Variants in NEK7 observed in about 807,000 individuals in gnomAD.
NEK7 encodes NIMA related kinase 7.
A neutral mutation model predicts 44.6 loss-of-function variants in NEK7; 18 were observed. That is an observed-to-expected ratio of 0.40 (90% CI 0.28 to 0.60). NEK7 has a LOEUF of 0.60. Ranked by LOEUF, NEK7 falls within the 20% of genes least tolerant of loss-of-function variation. The pLI, the probability that NEK7 is intolerant of heterozygous loss-of-function variation, is 0.38. For synonymous variants in NEK7, 130 were observed against 121.1 expected, an observed-to-expected ratio of 1.07 and a Z score of -0.48; for missense variants, 256 against 366.5, an observed-to-expected ratio of 0.70 and a Z score of 2.46.
At chr1:198,264,331 A>G (rs1653579002) in intron 5 of NEK7, 96 bp downstream of exon 5, 5 of 826,926 alleles carry the variant, frequency 6.0e-6, no homozygotes, top group Non-Finnish European at 9.7e-6. Context: ...ATTTTAAACT[A>G]AAGACCTCAA....
At position 198,157,737 on chromosome 1, in the gene NEK7, G is replaced by A. The variant is rs529910527; in HGVS notation, c.-29+461G>A. On this transcript the variant is annotated intron_variant, in intron 1 of 9. Transcript: ENST00000367385. ...GACTTAGGAAAGTGAAGTGCGCTGGGAGAGAGTGGGTGGTGGGAGCCGGCA... is the reference window on the plus strand; with the variant it reads ...GACTTAGGAAAGTGAAGTGCGCTGGAAGAGAGTGGGTGGTGGGAGCCGGCA... Among the ~76,000 whole-genome samples the A allele has an allele frequency of 1.8e-4, 28 of 152,368 alleles. No homozygotes were observed. In the East Asian group the frequency reaches 3.5e-3, roughly 19 times the overall value.
intron 3 of NEK7, among the ~76,000 whole-genome samples, chr1:198,261,651 C>T (rs868210673): frequency 1.1e-4 from 17 of 151,576 alleles, no homozygotes; most frequent in Admixed American, 9.9e-4. Flanking sequence ...GCTTGCAGTA[C>T]TGACTTAGAT....
At chr1:198,249,842 G>A (rs1210113431) in intron 2 of NEK7, among the ~76,000 whole-genome samples, 1 of 102,274 alleles carries the variant, frequency 9.8e-6, no homozygotes, top group Non-Finnish European at 1.7e-5. Context: ...TAGGTTGCCT[G>A]TTCACTGATG....
intron 2 of NEK7, among the ~76,000 whole-genome samples, chr1:198,250,780 G>A (rs1229368405): frequency 1.4e-5 from 2 of 145,592 alleles, no homozygotes; most frequent in Admixed American, 1.4e-4. Context: ...GAGATTTTGG[G>A]CTGAGACAAT....
chr1:198,202,498 C>G (rs988133215), intron 1 of NEK7, among the ~76,000 whole-genome samples: 1 of 152,198 alleles, frequency 6.6e-6, no homozygotes, highest in Non-Finnish European at 1.5e-5. Flanking sequence ...GTTCTCCCTT[C>G]CAGTTCACTG....
At chr1:198,298,534 T>G (rs1488694529) in intron 9 of NEK7, among the ~76,000 whole-genome samples, 1 of 152,242 alleles carries the variant, frequency 6.6e-6, no homozygotes, top group African/African-American at 2.4e-5. Flanking sequence ...AATACTATTA[T>G]GTTAGCCATT....
At chr1:198,188,897 A>G (rs1470899302) in intron 1 of NEK7, among the ~76,000 whole-genome samples, 1 of 152,160 alleles carries the variant, frequency 6.6e-6, no homozygotes, top group African/African-American at 2.4e-5. Context: ...ACAGAGGGTA[A>G]GTGGCACGTG....
intron 1 of NEK7, among the ~76,000 whole-genome samples, chr1:198,182,289 C>T (rs893788091): frequency 1.3e-5 from 2 of 152,086 alleles, no homozygotes; most frequent in African/African-American, 2.4e-5. Context: ...TAATTTGTCT[C>T]TTTCATTTAG....
At chr1:198,250,396 G>T (rs1652900642) in intron 2 of NEK7, among the ~76,000 whole-genome samples, 1 of 152,136 alleles carries the variant, frequency 6.6e-6, no homozygotes, top group Admixed American at 6.6e-5. Context: ...CTTTAAAGCA[G>T]TTTTTTCCAA....
At chr1:198,273,023 G>T (rs1401179359) in intron 5 of NEK7, among the ~76,000 whole-genome samples, 2 of 151,462 alleles carry the variant, frequency 1.3e-5, no homozygotes, top group African/African-American at 2.4e-5. Flanking sequence ...TTTTTGGCTT[G>T]CATTAATAAC....
intron 5 of NEK7, among the ~76,000 whole-genome samples, chr1:198,269,316 A>G (rs977551344): frequency 6.6e-6 from 1 of 152,112 alleles, no homozygotes; most frequent in Middle Eastern, 3.2e-3. Flanking sequence ...CTGCTGCTTT[A>G]TGCTCTCGTT....
At chr1:198,178,552 ACT>A (rs753924523) in intron 1 of NEK7, among the ~76,000 whole-genome samples, 40 of 152,022 alleles carry the variant, frequency 2.6e-4, no homozygotes, top group Non-Finnish European at 5.2e-4. Flanking sequence ...TGCATCGGGT[ACT>A]CTTTTGGGGT....
intron 7 of NEK7, 22 bp downstream of exon 7, chr1:198,279,083 C>T: frequency 1.4e-6 from 2 of 1,383,710 alleles, no homozygotes; most frequent in Non-Finnish European, 2.1e-6. Flanking sequence ...AATATAATTT[C>T]ATTCAGTTAC....
chr1:198,233,338 C>T (rs1327291037), intron 2 of NEK7, among the ~76,000 whole-genome samples: 2 of 152,056 alleles, frequency 1.3e-5, no homozygotes, highest in East Asian at 3.9e-4. Flanking sequence ...TATTTAGCAT[C>T]CTGCATTCAG....
chr1:198,208,858 C>G (rs969808207), intron 1 of NEK7, among the ~76,000 whole-genome samples: 5 of 151,976 alleles, frequency 3.3e-5, no homozygotes, highest in African/African-American at 1.2e-4. Context: ...TAAGAAACGC[C>G]ATATAGCCTC....
At chr1:198,270,541 G>C (rs1394409950) in intron 5 of NEK7, among the ~76,000 whole-genome samples, 1 of 151,816 alleles carries the variant, frequency 6.6e-6, no homozygotes, top group African/African-American at 2.4e-5. Flanking sequence ...CCAGGAGTTT[G>C]GTACTGCACA....
intron 1 of NEK7, among the ~76,000 whole-genome samples, chr1:198,206,426 T>C (rs1037144828): frequency 2.6e-5 from 4 of 152,148 alleles, no homozygotes; most frequent in Non-Finnish European, 5.9e-5. Flanking sequence ...TATCAATATG[T>C]AGTAAGGAAG....
At chr1:198,299,093 C>T (rs1654798828) in intron 9 of NEK7, among the ~76,000 whole-genome samples, 1 of 152,198 alleles carries the variant, frequency 6.6e-6, no homozygotes, top group Non-Finnish European at 1.5e-5. Context: ...TAAAGCAAAA[C>T]ACATTATATG....
At chr1:198,267,486 C>T (rs1415541063) in intron 5 of NEK7, among the ~76,000 whole-genome samples, 1 of 151,934 alleles carries the variant, frequency 6.6e-6, no homozygotes, top group South Asian at 2.1e-4. Flanking sequence ...CTCTGTCGCC[C>T]AGGGTGGAAT....
Sources: allele counts gnomAD v4.1 joint callset (sites outside exome capture counted in the v4.1 genomes callset), GRCh38; gene constraint gnomAD v4.1.1; transcripts MANE v1.5; gene names NCBI Gene and HGNC (gene_info 2026-07-23, HGNC 2026-07-21).